The following RAI1 variants were observed in gnomAD, a reference collection of about 807,000 sequenced individuals.
The protein encoded by RAI1 is retinoic acid induced 1, also known as retinoic acid-induced protein 1.
Under a neutral mutation model 123.8 loss-of-function variants are expected in RAI1, and 9 were observed. The ratio of observed to expected loss-of-function variants is 0.07; its 90% CI spans 0.04 to 0.13. The LOEUF (loss-of-function observed/expected upper bound fraction) is 0.13. Ranked by LOEUF, RAI1 falls within the 10% of genes least tolerant of loss-of-function variation. RAI1 has a pLI of 1.00. For synonymous variants in RAI1, 1,231 were observed against 1,127.3 expected (o/e 1.09, Z -1.84); for missense variants, 2,256 against 2,545.8 (o/e 0.89, Z 2.45).
Position 17,793,699 on chromosome 17 carries a change from C to G in RAI1, c.751C>G (p.Leu251Val), listed in dbSNP as rs765999818. Residue 251 changes from leucine to valine, a missense_variant, in exon 3 of 6, where the codon CTG (leucine) becomes GTG (valine). By Grantham distance (32) the Leu-to-Val change is conservative (BLOSUM62 1). Around this residue, in one of 7 missense-constraint regions of RAI1, gnomAD observed 336 missense variants for 349.8 expected, o/e 0.96. Transcript: ENST00000353383. ...GACTGCCCAGCCCCATGACAGGCCG[C>G]TGACTGCCAGCTCCAGCCTGGCCCC... Reference protein sequence around the residue: ...APTAQPHDRPLTASSSLAPGQ... With the variant: ...APTAQPHDRPVTASSSLAPGQ... 13 of 1,613,014 alleles carry G rather than the reference C, an allele frequency of 8.1e-6. No homozygotes were observed. The Admixed American group carries it at 2.2e-4, about 27-fold the overall frequency.
At chr17:17,781,579 A>AG (rs2031582319) in intron 2 of RAI1, among the ~76,000 whole-genome samples, 1 of 137,910 alleles carries the variant, frequency 7.3e-6, no homozygotes, top group African/African-American at 2.6e-5. Flanking sequence ...CCGCAGGGGA[A>AG]GGGGCTGGGA....
intron 1 of RAI1, among the ~76,000 whole-genome samples, chr17:17,699,622 G>A (rs943819755): frequency 1.0e-4 from 15 of 146,714 alleles, no homozygotes; most frequent in East Asian, 2.0e-4. Flanking sequence ...ATCCATTGTC[G>A]GGGGGCCGGG....
At chr17:17,737,854 C>A (rs542135211) in intron 2 of RAI1, among the ~76,000 whole-genome samples, 13 of 152,354 alleles carry the variant, frequency 8.5e-5, no homozygotes, top group African/African-American at 3.1e-4. Context: ...CTTGAGCAGG[C>A]CTGGAGCCCC....
chr17:17,794,934 G>T lies in RAI1; in HGVS notation c.1986G>T (p.Gly662=). Reference sequence around the variant, plus strand: ...CCAAGAGTGCGTGGCCCCGGCCTGGGGAGCCGGAGGCCCTGCCCGACTCCT... The same window carrying T: ...CCAAGAGTGCGTGGCCCCGGCCTGGTGAGCCGGAGGCCCTGCCCGACTCCT... ...SVAKSAWPRP[G]EPEALPDSLQ... is the part of the protein sequence containing the mutation. Residue 662 remains glycine (G), a synonymous_variant, in exon 3 of 6, where the codon GGG becomes GGT. Transcript: ENST00000353383. 6.2e-7 allele frequency: 1 copy of T among 1,613,696 alleles called. No individual in the cohort carries two copies. The highest frequency in any genetic ancestry group is 8.5e-7 in the Non-Finnish European group (1 of 1,180,038).
chr17:17,785,818 G>A (rs2031808096), intron 2 of RAI1, among the ~76,000 whole-genome samples: 1 of 152,180 alleles, frequency 6.6e-6, no homozygotes. Context: ...CGTGAGCACT[G>A]TTCCTCCTGC....
intron 2 of RAI1, among the ~76,000 whole-genome samples, chr17:17,782,969 TATC>T (rs966927646): frequency 3.9e-5 from 6 of 152,156 alleles, no homozygotes; most frequent in South Asian, 2.1e-4. Flanking sequence ...CGGCCTCATT[TATC>T]ATCATCTTTG....
At chr17:17,747,576 C>A (rs2029976553) in intron 2 of RAI1, among the ~76,000 whole-genome samples, 1 of 152,136 alleles carries the variant, frequency 6.6e-6, no homozygotes, top group African/African-American at 2.4e-5. Context: ...CGAGGCCGGC[C>A]ACACTCTGAG....
At chr17:17,773,259 C>G (rs1178011260) in intron 2 of RAI1, among the ~76,000 whole-genome samples, 1 of 152,182 alleles carries the variant, frequency 6.6e-6, no homozygotes, top group African/African-American at 2.4e-5. Context: ...CAGCTCAGCT[C>G]CTGTGCCCAG....
intron 1 of RAI1, among the ~76,000 whole-genome samples, chr17:17,682,155 G>GGGACGTGGGGTGC (rs1914445979): frequency 6.6e-6 from 1 of 151,542 alleles, no homozygotes; most frequent in African/African-American, 2.4e-5. Context: ...GCGTGGGGTG[G>GGGACGTGGGGTGC]GGACGTGGGG....
At chr17:17,783,483 C>G (rs925391646) in intron 2 of RAI1, among the ~76,000 whole-genome samples, 4 of 152,066 alleles carry the variant, frequency 2.6e-5, no homozygotes, top group Non-Finnish European at 4.4e-5. Context: ...CGGATTTTCT[C>G]CGGCAGCAGC....
intron 2 of RAI1, among the ~76,000 whole-genome samples, chr17:17,730,736 A>T (rs911718786): frequency 6.6e-6 from 1 of 152,236 alleles, no homozygotes; most frequent in Non-Finnish European, 1.5e-5. Flanking sequence ...AGGCCCTGCC[A>T]GGGCTGAGGT....
chr17:17,793,266 C>T lies in RAI1; in HGVS notation c.318C>T (p.Ser106=), dbSNP rs2032090426. The T allele has an allele frequency of 6.2e-7, 1 of 1,612,108 alleles. No individual in the cohort carries two copies. The highest frequency in any genetic ancestry group is 1.7e-5 in the Admixed American group (1 of 59,882). Residue 106 remains serine (S), a synonymous_variant, in exon 3 of 6, where the codon AGC becomes AGT. Coordinates refer to ENST00000353383, the MANE Select transcript of RAI1 (RefSeq NM_030665.4). ...CTGGCTACGGCGTCCAGGACAGCAG[C>T]CCCTACCCAGGCCGCTATGCTGGTG... The part of the protein sequence containing the change: ...AFPGYGVQDS[S]PYPGRYAGEE...
chr17:17,726,770 G>A (rs1280615696), intron 2 of RAI1, among the ~76,000 whole-genome samples: 2 of 152,052 alleles, frequency 1.3e-5, no homozygotes, highest in Non-Finnish European at 2.9e-5. Context: ...GTCTTAGAGG[G>A]CTCTGACAAT....
At chr17:17,772,604 C>G (rs1192729193) in intron 2 of RAI1, among the ~76,000 whole-genome samples, 1 of 152,244 alleles carries the variant, frequency 6.6e-6, no homozygotes, top group Non-Finnish European at 1.5e-5. Context: ...AGCCTGCATT[C>G]TCACTACTAT....
At chr17:17,744,465 T>G (rs958039585) in intron 2 of RAI1, among the ~76,000 whole-genome samples, 2 of 152,134 alleles carry the variant, frequency 1.3e-5, no homozygotes, top group African/African-American at 2.4e-5. Flanking sequence ...AATCATTTTT[T>G]AATTCCAAAA....
intron 2 of RAI1, among the ~76,000 whole-genome samples, chr17:17,730,355 C>T (rs1916229115): frequency 6.6e-6 from 1 of 152,194 alleles, no homozygotes. Context: ...ATGCAGAGGC[C>T]ACCCACCCCT....
intron 1 of RAI1, among the ~76,000 whole-genome samples, chr17:17,707,510 GC>G (rs1915430250): frequency 6.6e-6 from 1 of 152,180 alleles, no homozygotes; most frequent in African/African-American, 2.4e-5. Context: ...AGGTCCTGAG[GC>G]AGGAACGTGT....
chr17:17,713,502 G>A (rs1325250292), intron 1 of RAI1, among the ~76,000 whole-genome samples: 3 of 152,146 alleles, frequency 2.0e-5, no homozygotes, highest in Admixed American at 1.3e-4. Context: ...TTAGCTGGGC[G>A]TGGTGATACA....
chr17:17,709,922 G>A (rs777715916), intron 1 of RAI1, among the ~76,000 whole-genome samples: 3 of 152,152 alleles, frequency 2.0e-5, no homozygotes, highest in Non-Finnish European at 4.4e-5. Flanking sequence ...ACAGGCGTGC[G>A]CACATTCCTA....
Sources: gnomAD v4.1 joint callset for allele counts (sites outside exome capture counted in the v4.1 genomes callset) on GRCh38, gnomAD v4.1.1 for gene constraint, gnomAD v4.1.1 regional missense constraint, MANE v1.5 for transcripts, NCBI Gene and HGNC (gene_info 2026-07-23, HGNC 2026-07-21) for gene names.